MED13L: variants seen among roughly 807,000 people sequenced by gnomAD.
MED13L encodes mediator complex subunit 13L.
Under a neutral mutation model 220.9 loss-of-function variants are expected in MED13L, and 7 were observed. The ratio of observed to expected loss-of-function variants is 0.03; its 90% CI spans 0.02 to 0.06. The LOEUF is 0.06. Ranked by LOEUF, MED13L falls within the 10% of genes least tolerant of loss-of-function variation. The probability of loss-of-function intolerance (pLI) is 1.00; values close to 1 mark genes in which losing one functional copy is unlikely to be tolerated. For synonymous variants in MED13L, 1,011 were observed against 1,015.2 expected (o/e 1.00, Z 0.08); for missense variants, 1,965 against 2,760.5 (o/e 0.71, Z 6.46).
chr12:116,224,588 G>A (rs1868771602), intron 2 of MED13L, among the ~76,000 whole-genome samples: 1 of 152,166 alleles, frequency 6.6e-6, no homozygotes, highest in Non-Finnish European at 1.5e-5. Flanking sequence ...AATAATAGAG[G>A]CTCAAATAAA....
chr12:115,986,473 A>G lies in MED13L; in HGVS notation c.4131T>C (p.Pro1377=), dbSNP rs1460486557. The G allele has an allele frequency of 1.9e-6, 3 of 1,613,918 alleles. No individual in the cohort carries two copies. In the African/African-American group the frequency reaches 4.0e-5, roughly 22 times the overall value. The change falls in exon 19 of 31, where the codon CCT becomes CCC. Residue 1377 remains proline (P), a synonymous_variant. Coordinates refer to ENST00000281928, the MANE Select transcript of MED13L (RefSeq NM_015335.5). The part of the protein sequence containing the change: ...GRGTYGSEES[P]EPLPIPTLLV... ...GCAGAGTGGGGATGGGCAACGGCTCAGGAGATTCTTCCGAACCTAAAATGA... is the reference window on the plus strand; with the variant it reads ...GCAGAGTGGGGATGGGCAACGGCTCGGGAGATTCTTCCGAACCTAAAATGA...
chr12:115,969,184 T>A, intron 27 of MED13L, 87 bp from the exon 28 acceptor site: 1 of 1,453,560 alleles, frequency 6.9e-7, no homozygotes, highest in Non-Finnish European at 9.5e-7. Flanking sequence ...ACCTATGTCA[T>A]GTTTTGTTGG....
At chr12:115,981,487 A>T (rs1436429548) in intron 22 of MED13L, among the ~76,000 whole-genome samples, 3 of 152,238 alleles carry the variant, frequency 2.0e-5, no homozygotes, top group African/African-American at 4.8e-5. Context: ...AGAATTTTTT[A>T]AAAAATCATT....
chr12:116,164,287 GTATT>G (rs1473682425), intron 2 of MED13L, among the ~76,000 whole-genome samples: 4 of 152,112 alleles, frequency 2.6e-5, no homozygotes, highest in Non-Finnish European at 5.9e-5. Flanking sequence ...ATATAAAAAT[GTATT>G]TAAACAATCT....
chr12:116,116,526 C>T (rs1261407242), intron 2 of MED13L, among the ~76,000 whole-genome samples: 1 of 151,984 alleles, frequency 6.6e-6, no homozygotes, highest in Non-Finnish European at 1.5e-5. Context: ...AACCAGTAAA[C>T]ATAAGTAAAG....
intron 16 of MED13L, among the ~76,000 whole-genome samples, chr12:115,992,798 G>C (rs1471396051): frequency 2.6e-5 from 4 of 152,138 alleles, no homozygotes; most frequent in Admixed American, 2.6e-4. Flanking sequence ...AGTTGCCCAA[G>C]ACTGACTGGG....
chr12:116,155,479 A>G (rs1878357999), intron 2 of MED13L, among the ~76,000 whole-genome samples: 1 of 152,114 alleles, frequency 6.6e-6, no homozygotes. Context: ...ATTTCTTTTA[A>G]ATCAATTAAA....
chr12:115,963,630 G>C, intron 29 of MED13L, 111 bp from the exon 30 acceptor site: 2 of 794,090 alleles, frequency 2.5e-6, no homozygotes, highest in East Asian at 2.7e-5. Context: ...GTAGAAGTCA[G>C]GGTTTCTGTG....
chr12:116,202,961 C>A (rs983770622), intron 2 of MED13L, among the ~76,000 whole-genome samples: 1 of 152,310 alleles, frequency 6.6e-6, no homozygotes, highest in African/African-American at 2.4e-5. Flanking sequence ...CTTACCAGAA[C>A]TCAATACCTG....
chr12:116,029,251 A>C (rs1470721379), intron 4 of MED13L, among the ~76,000 whole-genome samples: 1 of 151,414 alleles, frequency 6.6e-6, no homozygotes. Context: ...CTCTGAAAAA[A>C]AAAAAAGGGG....
intron 17 of MED13L, 33 bp downstream of exon 17, chr12:115,990,987 C>G (rs768349809): frequency 6.2e-7 from 1 of 1,601,528 alleles, no homozygotes; most frequent in African/African-American, 1.3e-5. Flanking sequence ...CCAAGATACT[C>G]CTCAAAGTAA....
At position 116,252,492 on chromosome 12, in the gene MED13L, T is replaced by C. The variant is rs150477108; in HGVS notation, c.73-14787A>G. Among the ~76,000 whole-genome samples, 29 of 152,196 alleles carry C rather than the reference T, an allele frequency of 1.9e-4. No individual in the cohort carries two copies. In the East Asian group the frequency reaches 3.1e-3, roughly 16 times the overall value. ...ACACTGAGGTTGCAGTGAGCTGTGA[T>C]TGCTCCACTGCACATCAGCCTGGGT... On this transcript the variant is annotated intron_variant, in intron 1 of 30. Transcript: ENST00000281928.
At chr12:115,964,269 TGAG>T (rs1463078148) in intron 29 of MED13L, among the ~76,000 whole-genome samples, 1 of 152,194 alleles carries the variant, frequency 6.6e-6, no homozygotes, top group Non-Finnish European at 1.5e-5. Context: ...TGTAGGATAA[TGAG>T]GAAGATAATG....
In MED13L at chr12:115,996,671, T is replaced by A. The variant is rs780099245; in HGVS notation, c.2801A>T (p.Tyr934Phe). 7 of 1,613,588 alleles carry A rather than the reference T, an allele frequency of 4.3e-6. No homozygotes were observed. The South Asian group carries it at 7.7e-5, about 18-fold the overall frequency. ...TTGAAAGGATGGAACTTTGTGCACA[T>A]ATGAAAAGTCCTGTGACAACAAAGT... ...PKPEEIKDFS[Y>F]VHKVPSFQPF... The change falls in exon 16 of 31, where the codon TAT becomes TTT. Residue 934 changes from tyrosine to phenylalanine, a missense_variant. Transcript: ENST00000281928.
chr12:116,026,882 G>A (rs2137468162), intron 4 of MED13L, among the ~76,000 whole-genome samples: 1 of 152,222 alleles, frequency 6.6e-6, no homozygotes, highest in South Asian at 2.1e-4. Context: ...TAGTGGACCT[G>A]TTAACTAAAC....
chr12:116,086,117 C>G (rs574300624), intron 4 of MED13L, among the ~76,000 whole-genome samples: 97 of 152,212 alleles, frequency 6.4e-4, no homozygotes, highest in African/African-American at 2.3e-3. Flanking sequence ...CAAAAGTAGT[C>G]TAACCAAAGT....
chr12:115,998,247 T>C (rs1158160072), intron 14 of MED13L, among the ~76,000 whole-genome samples: 1 of 152,198 alleles, frequency 6.6e-6, no homozygotes, highest in African/African-American at 2.4e-5. Context: ...ATTTGGCCAC[T>C]AGGGGGTGGC....
At chr12:115,969,393 T>TA (rs893691129) in intron 27 of MED13L, among the ~76,000 whole-genome samples, 12 of 152,150 alleles carry the variant, frequency 7.9e-5, no homozygotes, top group African/African-American at 2.4e-4. Context: ...AAAAGTATGG[T>TA]AAAAGAGCTA....
At chr12:115,972,378 CCTT>C in intron 25 of MED13L, 142 bp from the exon 26 acceptor site, 5 of 916,024 alleles carry the variant, frequency 5.5e-6, no homozygotes, top group Non-Finnish European at 8.6e-6. Flanking sequence ...ATGTTCCCCT[CCTT>C]GCTATAGAGA....
Sources: allele counts gnomAD v4.1 joint callset (sites outside exome capture counted in the v4.1 genomes callset), GRCh38; gene constraint gnomAD v4.1.1; transcripts MANE v1.5; gene names NCBI Gene and HGNC (gene_info 2026-07-23, HGNC 2026-07-21).